DACH2: variants seen among roughly 807,000 people sequenced by gnomAD.
DACH2 encodes dachshund family transcription factor 2, also known as dachshund homolog 2.
DACH2 carries 17 observed loss-of-function variants against 35.8 expected under a neutral mutation model. The ratio of observed to expected loss-of-function variants is 0.48; its 90% CI spans 0.33 to 0.71. The LOEUF (loss-of-function observed/expected upper bound fraction) is 0.71. Among genes scored for constraint, DACH2 ranks in the 30% least tolerant of loss-of-function variants. DACH2 has a pLI of 0.02. For synonymous variants in DACH2, 195 were observed against 177.3 expected, an observed-to-expected ratio of 1.10 and a Z score of -0.79; for missense variants, 469 against 472.7, an observed-to-expected ratio of 0.99 and a Z score of 0.07.
intron 3 of DACH2, among the ~76,000 whole-genome samples, chrX:86,539,104 G>A (rs1290752464): frequency 3.6e-5 from 4 of 110,998 alleles, no homozygotes; most frequent in Admixed American, 1.9e-4. Flanking sequence ...TAATCCTTAC[G>A]TTTTCAGGGA....
chrX:86,569,166 C>T (rs1378821205), intron 3 of DACH2, among the ~76,000 whole-genome samples: 1 of 111,259 alleles, frequency 9.0e-6, no homozygotes, highest in African/African-American at 3.3e-5. Context: ...TACTAATACT[C>T]ATTTCACCAA....
At chrX:86,362,226 G>C (rs1297571898) in intron 1 of DACH2, among the ~76,000 whole-genome samples, 1 of 111,033 alleles carries the variant, frequency 9.0e-6, no homozygotes, top group Non-Finnish European at 1.9e-5. Flanking sequence ...TTATGGACCA[G>C]GATGAAGATG....
chrX:86,720,993 G>A (rs1010192967), intron 6 of DACH2, among the ~76,000 whole-genome samples: 2 of 112,455 alleles, frequency 1.8e-5, no homozygotes, highest in Admixed American at 9.4e-5. Context: ...ACATTGAACT[G>A]AGCTGTATAT....
intron 5 of DACH2, among the ~76,000 whole-genome samples, chrX:86,705,201 C>A (rs773507643): frequency 8.2e-5 from 9 of 109,292 alleles, no homozygotes; most frequent in Non-Finnish European, 1.5e-4. Flanking sequence ...AATGGAAAAC[C>A]AAACATAGTG....
chrX:86,709,572 A>T (rs914379247), intron 5 of DACH2, among the ~76,000 whole-genome samples: 1 of 111,927 alleles, frequency 8.9e-6, no homozygotes, highest in Non-Finnish European at 1.9e-5. Flanking sequence ...TTAAACTTAA[A>T]AACCGTTCAT....
At chrX:86,517,693 C>T (rs868849926) in intron 3 of DACH2, among the ~76,000 whole-genome samples, 8 of 111,492 alleles carry the variant, frequency 7.2e-5, no homozygotes, top group Admixed American at 9.5e-5. Flanking sequence ...GCTGGGATTA[C>T]GGTTGTGAGC....
intron 6 of DACH2, among the ~76,000 whole-genome samples, chrX:86,723,222 G>A (rs1246446260): frequency 9.0e-6 from 1 of 110,618 alleles, no homozygotes; most frequent in Admixed American, 9.6e-5. Context: ...TCTAGCTAAT[G>A]GGTTATCAAT....
chrX:86,697,300 A>G (rs2041078602), intron 5 of DACH2, among the ~76,000 whole-genome samples: 1 of 111,335 alleles, frequency 9.0e-6, no homozygotes, highest in Non-Finnish European at 1.9e-5. Flanking sequence ...CTCTAGGGAG[A>G]AGCAAAAACA....
At chrX:86,533,342 C>G (rs777763626) in intron 3 of DACH2, among the ~76,000 whole-genome samples, 1 of 112,177 alleles carries the variant, frequency 8.9e-6, no homozygotes, top group African/African-American at 3.2e-5. Flanking sequence ...CTTCTATGCC[C>G]TTTCATTGAA....
chrX:86,821,562 A>G (rs764392194), intron 11 of DACH2, among the ~76,000 whole-genome samples: 1 of 111,329 alleles, frequency 9.0e-6, no homozygotes, highest in South Asian at 3.8e-4. Context: ...CATCCTCCAC[A>G]GGATTTTTAT....
intron 2 of DACH2, among the ~76,000 whole-genome samples, chrX:86,401,982 A>G (rs1242426965): frequency 3.6e-5 from 4 of 112,030 alleles, no homozygotes; most frequent in Admixed American, 9.5e-5. Flanking sequence ...ATAAAATCCA[A>G]CATTACTTTG....
intron 1 of DACH2, among the ~76,000 whole-genome samples, chrX:86,201,766 CA>C (rs941526916): frequency 2.7e-5 from 3 of 110,134 alleles, no homozygotes; most frequent in African/African-American, 1.0e-4. Context: ...CTATTAAATT[CA>C]GTCTAAATTT....
chrX:86,530,438 T>C (rs1000008373), intron 3 of DACH2, among the ~76,000 whole-genome samples: 2 of 111,420 alleles, frequency 1.8e-5, no homozygotes, highest in African/African-American at 6.5e-5. Flanking sequence ...GTTCTCATGA[T>C]AGAGTGAGTT....
chrX:86,309,425 G>A (rs927778697), intron 1 of DACH2, among the ~76,000 whole-genome samples: 9 of 112,269 alleles, frequency 8.0e-5, no homozygotes, highest in Admixed American at 1.9e-4. Context: ...CAGCTGGCAA[G>A]GACAGCAATA....
At chrX:86,718,962 C>T (rs1602844433) in intron 6 of DACH2, among the ~76,000 whole-genome samples, 1 of 111,847 alleles carries the variant, frequency 8.9e-6, no homozygotes. Context: ...GTTATTTGTG[C>T]TCTTTTTTAG....
intron 2 of DACH2, among the ~76,000 whole-genome samples, chrX:86,429,363 A>G (rs889448747): frequency 1.8e-5 from 2 of 111,147 alleles, no homozygotes; most frequent in African/African-American, 6.6e-5. Context: ...TCAAGATTGA[A>G]ATGAACATAT....
chrX:86,724,919 C>A (rs147104258), intron 6 of DACH2, among the ~76,000 whole-genome samples: 1,171 of 109,505 alleles, frequency 0.011, 22 homozygotes, highest in African/African-American at 0.037. Flanking sequence ...TTTCCAAAGA[C>A]TGGTCTTCAT....
chrX:86,199,830 T>C (rs242832), intron 1 of DACH2, among the ~76,000 whole-genome samples: 7,695 of 111,986 alleles, frequency 0.069, 628 homozygotes, highest in African/African-American at 0.24. Context: ...TTCGTGCTCA[T>C]GGATAGGAAG....
At chrX:86,218,531 T>C (rs2032629393) in intron 1 of DACH2, among the ~76,000 whole-genome samples, 1 of 111,980 alleles carries the variant, frequency 8.9e-6, no homozygotes, top group African/African-American at 3.2e-5. Context: ...GCATTTATTG[T>C]ATGGTATAAT....
Sources: gnomAD v4.1 joint callset for allele counts (sites outside exome capture counted in the v4.1 genomes callset) on GRCh38, gnomAD v4.1.1 for gene constraint, MANE v1.5 for transcripts, NCBI Gene and HGNC (gene_info 2026-07-23, HGNC 2026-07-21) for gene names.